The following AZIN2 variants were observed in gnomAD, a reference collection of about 807,000 sequenced individuals.
AZIN2 encodes the protein antizyme inhibitor 2, also known as ODC antizyme inhibitor-2.
Under a neutral mutation model 47.8 loss-of-function variants are expected in AZIN2, and 28 were observed. The observed-to-expected ratio is 0.59, with a 90% CI of 0.43 to 0.80. The LOEUF is 0.80. Among genes scored for constraint, AZIN2 ranks in the 30% least tolerant of loss-of-function variants. The pLI is 0.00. For synonymous variants in AZIN2, 221 were observed against 239.4 expected (o/e 0.92, Z 0.71); for missense variants, 535 against 582.5 (o/e 0.92, Z 0.84).
the AZIN2 span, among the ~76,000 whole-genome samples, chr1:33,133,966 T>A: frequency 6.6e-6 from 1 of 152,226 alleles, no homozygotes; most frequent in Non-Finnish European, 1.5e-5. Flanking sequence ...CCTGGCGAGC[T>A]GCCTCTGCTG....
chr1:33,142,021 G>T, the AZIN2 span: 1 of 152,508 alleles, frequency 6.6e-6, no homozygotes, highest in South Asian at 2.1e-4. Context: ...TAGGAAGATT[G>T]TGTAGAATCT....
chr1:33,136,738 G>A, the AZIN2 span, among the ~76,000 whole-genome samples: 5 of 150,244 alleles, frequency 3.3e-5, no homozygotes, highest in Non-Finnish European at 7.4e-5. Context: ...GGTGGCTCAC[G>A]CCCGTAATCC....
the AZIN2 span, chr1:33,142,864 C>T: frequency 6.6e-5 from 10 of 152,056 alleles, no homozygotes; most frequent in East Asian, 7.7e-4. Flanking sequence ...GGCTGTGGGT[C>T]CTCTGGGAAG....
chr1:33,101,809 G>A (rs770432466), intron 10 of AZIN2: 10 of 775,096 alleles, frequency 1.3e-5, no homozygotes, highest in Non-Finnish European at 2.4e-5. Flanking sequence ...AACCTGTTTG[G>A]GCTTTTTCTC....
chr1:33,084,271 C>A, intron 5 of AZIN2, 144 bp downstream of exon 5: 1 of 868,050 alleles, frequency 1.2e-6, no homozygotes, highest in Non-Finnish European at 1.8e-6. Context: ...CAGGAGGGGT[C>A]TCAAGGGATG....
chr1:33,085,086 A>G (rs1641735900), intron 5 of AZIN2, among the ~76,000 whole-genome samples: 1 of 152,160 alleles, frequency 6.6e-6, no homozygotes, highest in South Asian at 2.1e-4. Flanking sequence ...TAAAGTTTCA[A>G]CTAAGTAGAG....
chr1:33,165,136 T>A, the AZIN2 span: 38 of 214,624 alleles, frequency 1.8e-4, no homozygotes, highest in African/African-American at 8.3e-4. The surrounding 1 kb of genome is among the most constrained non-coding windows in gnomAD (Gnocchi z 4.0). Context: ...CTGAGCACAT[T>A]CCCCAGCCCT....
At chr1:33,161,438 T>C in the AZIN2 span, among the ~76,000 whole-genome samples, 1 of 152,140 alleles carries the variant, frequency 6.6e-6, no homozygotes. The surrounding 1 kb of genome is among the most constrained non-coding windows in gnomAD (Gnocchi z 4.3). Context: ...GAAACCCCAC[T>C]GTGTTCAGTG....
the AZIN2 span, among the ~76,000 whole-genome samples, chr1:33,150,865 G>A: frequency 3.9e-5 from 6 of 152,166 alleles, no homozygotes; most frequent in Non-Finnish European, 8.8e-5. Context: ...GTGTGACAGT[G>A]GAGGGGCAGA....
the AZIN2 span, chr1:33,165,820 C>T: frequency 2.7e-5 from 9 of 333,738 alleles, no homozygotes; most frequent in South Asian, 4.8e-4. The surrounding 1 kb of genome is among the most constrained non-coding windows in gnomAD (Gnocchi z 4.0). Flanking sequence ...GCTTCTGTGA[C>T]AATCGACTTC....
intron 7 of AZIN2, 117 bp from the exon 8 acceptor site, chr1:33,094,431 G>A: frequency 9.1e-7 from 1 of 1,104,064 alleles, no homozygotes; most frequent in Non-Finnish European, 1.3e-6. Flanking sequence ...CTTGGTCACT[G>A]CATCTGTAAA....
At chr1:33,156,034 A>T in the AZIN2 span, among the ~76,000 whole-genome samples, 2 of 152,142 alleles carry the variant, frequency 1.3e-5, no homozygotes, top group African/African-American at 4.8e-5. Context: ...TTTGGTGCCC[A>T]CTTATTCTAC....
the AZIN2 span, among the ~76,000 whole-genome samples, chr1:33,144,984 G>A: frequency 6.6e-6 from 1 of 152,180 alleles, no homozygotes; most frequent in African/African-American, 2.4e-5. Context: ...TCTTCCATGT[G>A]GGAAAACTGA....
At chr1:33,155,369 C>A in the AZIN2 span, among the ~76,000 whole-genome samples, 1 of 152,066 alleles carries the variant, frequency 6.6e-6, no homozygotes. Context: ...CCATGCCCGG[C>A]CTCCCCTGAC....
At chr1:33,132,806 TAGTC>T in the AZIN2 span, among the ~76,000 whole-genome samples, 229 of 152,348 alleles carry the variant, frequency 1.5e-3, 3 homozygotes, top group African/African-American at 5.2e-3. Context: ...GGTTGACACA[TAGTC>T]AGACTAGATG....
In AZIN2 at chr1:33,121,892, G is replaced by A. The variant is rs1234487630; in HGVS notation, c.*1710G>A. Among the ~76,000 whole-genome samples the A allele has an allele frequency of 6.6e-6, 1 of 152,182 alleles. No individual in the cohort carries two copies. The highest frequency in any genetic ancestry group is 1.5e-5 in the Non-Finnish European group (1 of 68,034). On this transcript the variant is annotated 3_prime_UTR_variant, in exon 12 of 12. Transcript: ENST00000294517. ...TGAGGTCATCTCATGAGGCAATGTGGCATGGGTTTGGAGTGAACGAGGTGC... is the reference window on the plus strand; with the variant it reads ...TGAGGTCATCTCATGAGGCAATGTGACATGGGTTTGGAGTGAACGAGGTGC...
Position 33,094,571 on chromosome 1 carries a change from C to T in AZIN2, c.611C>T (p.Pro204Leu), listed in dbSNP as rs1463408308. ...GVSFHIGSGC[P>L]DPQAYAQSIA... ...AGTTTTCACATTGGCAGTGGCTGTCCTGACCCTCAGGCCTATGCTCAGTCC... is the reference window on the plus strand; with the variant it reads ...AGTTTTCACATTGGCAGTGGCTGTCTTGACCCTCAGGCCTATGCTCAGTCC... Residue 204 changes from proline to leucine, a missense_variant, in exon 8 of 12, where the codon CCT becomes CTT. Coordinates refer to ENST00000294517, the MANE Select transcript of AZIN2 (RefSeq NM_052998.4). The T allele has an allele frequency of 1.9e-6, 3 of 1,613,814 alleles. No homozygotes were observed. Among genetic ancestry groups the T allele is most frequent in the East Asian group, 4.5e-5 (2 of 44,862 alleles).
At chr1:33,163,281 C>A in the AZIN2 span, 1 of 152,156 alleles carries the variant, frequency 6.6e-6, no homozygotes, top group South Asian at 2.1e-4. Context: ...TCAGGTGATC[C>A]GCCCGCCTCA....
downstream of AZIN2, among the ~76,000 whole-genome samples, chr1:33,128,141 G>A (rs1257948361): frequency 6.7e-6 from 1 of 148,680 alleles, no homozygotes; most frequent in African/African-American, 2.5e-5. Flanking sequence ...AAGGTGGAAG[G>A]ATTGTTTGAG....
Sources: gnomAD v4.1 joint callset for allele counts (sites outside exome capture counted in the v4.1 genomes callset) on GRCh38, gnomAD v4.1.1 for gene constraint, Gnocchi (gnomAD v3.1) non-coding constraint, MANE v1.5 for transcripts, NCBI Gene and HGNC (gene_info 2026-07-23, HGNC 2026-07-21) for gene names.